Variants in VANGL1 observed in about 807,000 individuals in gnomAD.
VANGL1 encodes VANGL planar cell polarity protein 1, also known as vang-like protein 1.
A neutral mutation model predicts 48.4 loss-of-function variants in VANGL1; 18 were observed. The ratio of observed to expected loss-of-function variants is 0.37; its 90% CI spans 0.26 to 0.55. The LOEUF is 0.55. VANGL1 is among the 20% of genes least tolerant of loss of function. The probability of loss-of-function intolerance (pLI) is 0.81; values close to 1 mark genes in which losing one functional copy is unlikely to be tolerated. For synonymous variants in VANGL1, 257 were observed against 261.8 expected, an observed-to-expected ratio of 0.98 and a Z score of 0.18; for missense variants, 667 against 675.8, an observed-to-expected ratio of 0.99 and a Z score of 0.14.
intron 2 of VANGL1, among the ~76,000 whole-genome samples, chr1:115,652,313 TACTG>T (rs1331007155): frequency 6.6e-6 from 1 of 152,234 alleles, no homozygotes; most frequent in Non-Finnish European, 1.5e-5. Flanking sequence ...CCTGCTGTGT[TACTG>T]ACCTGTAGAA....
chr1:115,691,514 C>T lies in VANGL1; in HGVS notation c.*135C>T, dbSNP rs943455364. The T allele has an allele frequency of 1.0e-6, 1 of 982,142 alleles. No individual in the cohort carries two copies. The highest frequency in any genetic ancestry group is 1.6e-5 in the African/African-American group (1 of 60,696). 60.8% of individuals were successfully genotyped at this position (982,142 alleles called of 1,614,324 possible). A position where few individuals can be genotyped will look rare whatever the true frequency, so the allele number is the denominator to read the frequency against. On this transcript the variant is annotated 3_prime_UTR_variant, in exon 8 of 8. Coordinates refer to ENST00000355485, the MANE Select transcript of VANGL1 (RefSeq NM_138959.3). Reference sequence around the variant, plus strand: ...AACTGGCAGATGATTGACCAGTATCCTTTGACCATCTGCACTTTATTTGGA... The same window carrying T: ...AACTGGCAGATGATTGACCAGTATCTTTTGACCATCTGCACTTTATTTGGA...
At chr1:115,677,757 C>G (rs1653221340) in intron 4 of VANGL1, among the ~76,000 whole-genome samples, 1 of 152,182 alleles carries the variant, frequency 6.6e-6, no homozygotes, top group Non-Finnish European at 1.5e-5. Flanking sequence ...AGTCCACAGT[C>G]TATACTTCAG....
rs1490727026 is a variant in VANGL1, at chr1:115,685,477, A to G, written c.1264A>G (p.Ser422Gly). 1.9e-6 allele frequency: 3 copies of G among 1,614,126 alleles called. No homozygotes were observed. The highest frequency in any genetic ancestry group is 2.5e-6 in the Non-Finnish European group (3 of 1,180,032). Residue 422 changes from serine (S) to glycine (G), a missense_variant, in exon 7 of 8, where the codon AGC becomes GGC. Transcript: ENST00000355485. Reference sequence around the variant, plus strand: ...GCAGCAGAACTACCACAGCATGGAGAGCATCCTGCAGCACCTGGCCTTCTG... The same window carrying G: ...GCAGCAGAACTACCACAGCATGGAGGGCATCCTGCAGCACCTGGCCTTCTG... Reference protein sequence around the residue: ...TRQQNYHSMESILQHLAFCIT... With the variant: ...TRQQNYHSMEGILQHLAFCIT...
Position 115,687,270 on chromosome 1 carries a change from A to G in VANGL1, c.1314+1743A>G, listed in dbSNP as rs1046647471. Reference sequence around the variant, plus strand: ...AATTTAAAACATAACAGTGGCTTATAAATTATGGTGTATCACCTGTTGAAT... The same window carrying G: ...AATTTAAAACATAACAGTGGCTTATGAATTATGGTGTATCACCTGTTGAAT... On this transcript the variant is annotated intron_variant, in intron 7 of 7. Coordinates refer to ENST00000355485, the MANE Select transcript of VANGL1 (RefSeq NM_138959.3). 2.9e-5 allele frequency among the ~76,000 whole-genome samples: 4 copies of G among 139,378 alleles called. 1 individual carries two copies. Among genetic ancestry groups the G allele is most frequent in the African/African-American group, 1.1e-4 (4 of 37,260 alleles). The allele number at this position is 139,378 out of a possible 152,430, so 91.4% of individuals were successfully genotyped here.
At position 115,664,000 on chromosome 1, in the gene VANGL1, G is replaced by T. The variant is rs1182365086; in HGVS notation, c.544G>T (p.Val182Leu). Residue 182 changes from valine (V) to leucine (L), a missense_variant, in exon 4 of 8, where the codon GTG (valine) becomes TTG (leucine). Val to Leu is a conservative substitution (Grantham distance 32). Transcript: ENST00000355485. ...FRKRRADMPR[V>L]FVFRALLLVL... ...CAAGCGGAGAGCTGACATGCCACGG[G>T]TGTTTGTGTTTCGTGCCCTTTTGTT... 6.2e-7 allele frequency: 1 copy of T among 1,614,068 alleles called. No homozygotes were observed. Among genetic ancestry groups the T allele is most frequent in the African/African-American group, 1.3e-5 (1 of 74,912 alleles).
chr1:115,653,223 A>G (rs1357814586), intron 2 of VANGL1, among the ~76,000 whole-genome samples: 3 of 152,204 alleles, frequency 2.0e-5, no homozygotes, highest in Non-Finnish European at 4.4e-5. Flanking sequence ...GCTGGAGTCC[A>G]GGTAAGGCTT....
At chr1:115,679,970 G>A (rs1653315172) in intron 4 of VANGL1, among the ~76,000 whole-genome samples, 1 of 71,420 alleles carries the variant, frequency 1.4e-5, no homozygotes, top group African/African-American at 6.0e-5. Context: ...AGCTGAGCTA[G>A]GCACACACCA....
chr1:115,677,594 A>C (rs892894136), intron 4 of VANGL1, among the ~76,000 whole-genome samples: 2 of 152,164 alleles, frequency 1.3e-5, no homozygotes, highest in African/African-American at 4.8e-5. Context: ...GCGTACCTTC[A>C]TGTGCTGTTT....
At chr1:115,645,537 G>A (rs1651880909) in intron 1 of VANGL1, among the ~76,000 whole-genome samples, 1 of 152,138 alleles carries the variant, frequency 6.6e-6, no homozygotes, top group East Asian at 1.9e-4. Flanking sequence ...TAAGTAACTT[G>A]TTCTGAGGTC....
Position 115,664,220 on chromosome 1 carries a change from T to A in VANGL1, c.764T>A (p.Val255Asp), listed in dbSNP as rs1652688802. 6.2e-7 allele frequency: 1 copy of A among 1,613,890 alleles called. No homozygotes were observed. Among genetic ancestry groups the A allele is most frequent in the African/African-American group, 1.3e-5 (1 of 74,884 alleles). The part of the protein sequence containing the change: ...QLQPMFTLQV[V>D]RSTDGESRFY... ...CAGCCCATGTTCACGCTGCAGGTGG[T>A]CCGCTCCACCGATGGCGAGTCCCGC... Residue 255 changes from valine (V) to aspartate (D), a missense_variant, in exon 4 of 8, where the codon GTC becomes GAC. By Grantham distance (152) the Val-to-Asp change is radical. Transcript: ENST00000355485.
chr1:115,666,142 A>T (rs74117008), intron 4 of VANGL1, among the ~76,000 whole-genome samples: 5 of 152,198 alleles, frequency 3.3e-5, no homozygotes, highest in African/African-American at 1.2e-4. Context: ...AACTCTGTAT[A>T]TGTAAGTAGC....
Position 115,689,302 on chromosome 1 carries a change from A to AT in VANGL1, c.1315-1817_1315-1816insT, listed in dbSNP as rs1557777723. Reference sequence around the variant, plus strand: ...CAATAGATGCTCCACAGATGAAAAAAATATATACCTGGCAGTAGCAGCAGG... The same window carrying AT: ...CAATAGATGCTCCACAGATGAAAAAATATATATACCTGGCAGTAGCAGCAGG... On this transcript the variant is annotated intron_variant, in intron 7 of 7. Coordinates refer to ENST00000355485, the MANE Select transcript of VANGL1 (RefSeq NM_138959.3). Among the ~76,000 whole-genome samples the AT allele has an allele frequency of 1.5e-5, 2 of 136,598 alleles. 1 individual carries two copies. Among genetic ancestry groups the AT allele is most frequent in the African/African-American group, 5.5e-5 (2 of 36,300 alleles). The allele number at this position is 136,598 out of a possible 152,430, so 89.6% of individuals were successfully genotyped here. A position where few individuals can be genotyped will look rare whatever the true frequency, so the allele number is the denominator to read the frequency against.
intron 4 of VANGL1, among the ~76,000 whole-genome samples, chr1:115,677,100 G>C (rs1653195826): frequency 6.6e-6 from 1 of 152,246 alleles, no homozygotes; most frequent in South Asian, 2.1e-4. Context: ...AGAGCATGGG[G>C]AGGCAGTGGA....
At chr1:115,678,217 G>A (rs1653238991) in intron 4 of VANGL1, among the ~76,000 whole-genome samples, 1 of 152,210 alleles carries the variant, frequency 6.6e-6, no homozygotes, top group South Asian at 2.1e-4. Flanking sequence ...GCAAGTTTAG[G>A]GACAGATCAG....
At position 115,698,014 on chromosome 1, in the gene VANGL1, A is replaced by G. The variant is rs1380070644; in HGVS notation, c.*6635A>G. On this transcript the variant is annotated 3_prime_UTR_variant, in exon 8 of 8. Transcript: ENST00000355485. ...TGTACAGGTCCATTTACTTACATTC[A>G]TAAGGTTTATGCTATGAAACTTCTT... 6.6e-6 allele frequency: 1 copy of G among 152,190 alleles called. No individual in the cohort carries two copies. The highest frequency in any genetic ancestry group is 2.4e-5 in the African/African-American group (1 of 41,450). 9.4% of individuals were successfully genotyped at this position (152,190 alleles called of 1,614,324 possible).
intron 1 of VANGL1, among the ~76,000 whole-genome samples, chr1:115,647,756 G>T (rs995131145): frequency 6.6e-6 from 1 of 152,178 alleles, no homozygotes; most frequent in Non-Finnish European, 1.5e-5. Context: ...GTGGCACAGG[G>T]TTAGATCCTT....
At chr1:115,685,246 C>T (rs1411047333) in intron 6 of VANGL1, 47 bp from the exon 7 acceptor site, 1 of 1,604,888 alleles carries the variant, frequency 6.2e-7, no homozygotes, top group African/African-American at 1.3e-5. Context: ...TTCTCACACC[C>T]TGTGGCAGGC....
intron 1 of VANGL1, among the ~76,000 whole-genome samples, 192 bp from the exon 2 acceptor site, chr1:115,651,085 G>T (rs572981277): frequency 1.3e-5 from 2 of 152,036 alleles, no homozygotes; most frequent in Non-Finnish European, 2.9e-5. Context: ...CGCCTATCCT[G>T]TCTCCCTCCC....
At chr1:115,684,404 T>C (rs1163109059) in intron 6 of VANGL1, among the ~76,000 whole-genome samples, 1 of 152,146 alleles carries the variant, frequency 6.6e-6, no homozygotes, top group Non-Finnish European at 1.5e-5. Flanking sequence ...CCTCCCAAAG[T>C]ACTGTGATTA....
Sources: gnomAD v4.1 joint callset for allele counts (sites outside exome capture counted in the v4.1 genomes callset) on GRCh38, gnomAD v4.1.1 for gene constraint, MANE v1.5 for transcripts, NCBI Gene and HGNC (gene_info 2026-07-23, HGNC 2026-07-21) for gene names.